XKR4: variants seen among roughly 807,000 people sequenced by gnomAD.
XKR4 encodes XK related 4, also known as XK-related protein 4.
In XKR4, 12 loss-of-function variants were observed where a neutral mutation model predicts 53.9. The observed-to-expected ratio is 0.22, with a 90% CI of 0.14 to 0.36. The LOEUF is 0.36. Ranked by LOEUF, XKR4 falls within the 10% of genes least tolerant of loss-of-function variation. The probability of loss-of-function intolerance (pLI) is 1.00; values close to 1 mark genes in which losing one functional copy is unlikely to be tolerated. For synonymous variants in XKR4, 354 were observed against 362.4 expected (o/e 0.98, Z 0.26); for missense variants, 799 against 859.5 (o/e 0.93, Z 0.88).
intron 2 of XKR4, among the ~76,000 whole-genome samples, chr8:55,467,898 T>C (rs958069263): frequency 2.0e-5 from 3 of 152,190 alleles, no homozygotes; most frequent in African/African-American, 7.2e-5. Flanking sequence ...ATTAACTATT[T>C]ATGGTTTCTA....
At chr8:55,286,131 G>A (rs1366532788) in intron 1 of XKR4, among the ~76,000 whole-genome samples, 1 of 152,172 alleles carries the variant, frequency 6.6e-6, no homozygotes, top group Non-Finnish European at 1.5e-5. Context: ...TTGTCAAAGA[G>A]CCCCAGTGCA....
At chr8:55,501,545 A>G (rs915056809) in intron 2 of XKR4, among the ~76,000 whole-genome samples, 1 of 152,174 alleles carries the variant, frequency 6.6e-6, no homozygotes, top group Non-Finnish European at 1.5e-5. Context: ...TAGAAGTGGA[A>G]TCATGCCATA....
intron 1 of XKR4, among the ~76,000 whole-genome samples, chr8:55,280,540 T>C (rs1818830821): frequency 6.6e-6 from 1 of 152,218 alleles, no homozygotes; most frequent in Admixed American, 6.5e-5. Flanking sequence ...GATGAGACCA[T>C]ATAAATAAGA....
intron 2 of XKR4, among the ~76,000 whole-genome samples, chr8:55,457,023 A>ACG (rs111901544): frequency 1.1e-4 from 16 of 151,794 alleles, no homozygotes; most frequent in African/African-American, 3.6e-4. Context: ...ATCTTGAAAA[A>ACG]AGAAAAAAAT....
At chr8:55,402,255 C>T (rs1243165520) in intron 2 of XKR4, among the ~76,000 whole-genome samples, 1 of 152,204 alleles carries the variant, frequency 6.6e-6, no homozygotes, top group South Asian at 2.1e-4. Context: ...CCTGCCCCTG[C>T]GTGGAGGATA....
intron 2 of XKR4, 106 bp downstream of exon 2, chr8:55,357,983 A>T: frequency 9.2e-7 from 1 of 1,092,412 alleles, no homozygotes; most frequent in East Asian, 2.6e-5. Flanking sequence ...CAGGCCTGTG[A>T]TGTGTCTGCT....
At chr8:55,416,524 C>T (rs907801206) in intron 2 of XKR4, among the ~76,000 whole-genome samples, 2 of 152,152 alleles carry the variant, frequency 1.3e-5, no homozygotes, top group African/African-American at 4.8e-5. Context: ...ATCAGTTTTG[C>T]TGATAGAAAG....
At chr8:55,103,812 C>T (rs1234972924) in intron 1 of XKR4, among the ~76,000 whole-genome samples, 1 of 140,010 alleles carries the variant, frequency 7.1e-6, no homozygotes, top group Non-Finnish European at 1.5e-5. Context: ...TGGAGAAGTG[C>T]TTTACTCAAA....
intron 2 of XKR4, among the ~76,000 whole-genome samples, chr8:55,421,969 C>G (rs1804941136): frequency 6.6e-6 from 1 of 152,186 alleles, no homozygotes; most frequent in Admixed American, 6.5e-5. Context: ...CCTTTCTGCA[C>G]TTACACCAAG....
intron 1 of XKR4, among the ~76,000 whole-genome samples, chr8:55,148,176 T>C (rs1315429834): frequency 6.6e-6 from 1 of 152,204 alleles, no homozygotes; most frequent in Non-Finnish European, 1.5e-5. Context: ...CAAAGGCATA[T>C]AGCTTCCTTT....
intron 1 of XKR4, among the ~76,000 whole-genome samples, chr8:55,219,469 C>G (rs6996262): frequency 0.39 from 58,685 of 152,036 alleles, 11,827 homozygotes; most frequent in Middle Eastern, 0.48. Flanking sequence ...GGTTTTCAGT[C>G]TGTGCCAGTT....
chr8:55,462,460 A>T (rs1805675136), intron 2 of XKR4, among the ~76,000 whole-genome samples: 1 of 152,220 alleles, frequency 6.6e-6, no homozygotes, highest in South Asian at 2.1e-4. Context: ...GCCCTAAAAG[A>T]GCTCCTGAAG....
intron 2 of XKR4, among the ~76,000 whole-genome samples, chr8:55,491,625 G>GTTTGTTT (rs1554530562): frequency 1.3e-5 from 2 of 149,880 alleles, no homozygotes; most frequent in Admixed American, 1.3e-4. Context: ...TGTCTTTGGG[G>GTTTGTTT]GTTTGTTTGT....
intron 1 of XKR4, among the ~76,000 whole-genome samples, chr8:55,169,723 T>TTAAA (rs1310722766): frequency 6.6e-6 from 1 of 152,232 alleles, no homozygotes; most frequent in African/African-American, 2.4e-5. Context: ...GAAAGTGGTA[T>TTAAA]TAAACTCTTT....
At chr8:55,167,420 A>C (rs1817085003) in intron 1 of XKR4, among the ~76,000 whole-genome samples, 1 of 152,132 alleles carries the variant, frequency 6.6e-6, no homozygotes, top group Non-Finnish European at 1.5e-5. Context: ...AGACCTCATG[A>C]GTATGATGCT....
chr8:55,511,342 G>A (rs1345674038), intron 2 of XKR4, among the ~76,000 whole-genome samples: 1 of 152,186 alleles, frequency 6.6e-6, no homozygotes, highest in East Asian at 1.9e-4. Flanking sequence ...GCGGAATGAA[G>A]CCAGGAAACA....
chr8:55,152,482 A>AAT (rs1816851880), intron 1 of XKR4, among the ~76,000 whole-genome samples: 1 of 151,518 alleles, frequency 6.6e-6, no homozygotes, highest in Admixed American at 6.6e-5. Flanking sequence ...GGTTATGAAA[A>AAT]TTTTTTTGTC....
At chr8:55,150,213 T>TA (rs2129355531) in intron 1 of XKR4, among the ~76,000 whole-genome samples, 1 of 152,350 alleles carries the variant, frequency 6.6e-6, no homozygotes, top group East Asian at 1.9e-4. Flanking sequence ...AGCAATAGTT[T>TA]AAACACTGAA....
intron 2 of XKR4, among the ~76,000 whole-genome samples, chr8:55,507,976 G>T (rs1300269773): frequency 6.6e-6 from 1 of 152,096 alleles, no homozygotes; most frequent in Non-Finnish European, 1.5e-5. Flanking sequence ...CAGTGTAAAA[G>T]TGTTCCTATT....
Sources: gnomAD v4.1 joint callset for allele counts (sites outside exome capture counted in the v4.1 genomes callset) on GRCh38, gnomAD v4.1.1 for gene constraint, MANE v1.5 for transcripts, NCBI Gene and HGNC (gene_info 2026-07-23, HGNC 2026-07-21) for gene names.